Variants in DGKB observed in about 807,000 individuals in gnomAD.
The protein encoded by DGKB is 90 kDa diacylglycerol kinase.
A neutral mutation model predicts 114.3 loss-of-function variants in DGKB; 67 were observed. The ratio of observed to expected loss-of-function variants is 0.59; its 90% CI spans 0.48 to 0.72. The LOEUF is 0.72. Ranked by LOEUF, DGKB falls within the 30% of genes least tolerant of loss-of-function variation. The probability of loss-of-function intolerance (pLI) is 0.00; values close to 1 mark genes in which losing one functional copy is unlikely to be tolerated. For synonymous variants in DGKB, 398 were observed against 323.1 expected (o/e 1.23, Z -2.49); for missense variants, 907 against 975.2 (o/e 0.93, Z 0.93).
At chr7:14,952,937 C>T (rs1786287036) in intron 1 of DGKB, among the ~76,000 whole-genome samples, 1 of 151,884 alleles carries the variant, frequency 6.6e-6, no homozygotes, top group Admixed American at 6.6e-5. Flanking sequence ...GTTTCAACAA[C>T]AGTGAAAAAA....
chr7:14,724,371 C>A (rs1829706410), intron 5 of DGKB, among the ~76,000 whole-genome samples: 1 of 151,738 alleles, frequency 6.6e-6, no homozygotes, highest in Non-Finnish European at 1.5e-5. Context: ...TTATGTTTAC[C>A]CAAACCGGCA....
intron 13 of DGKB, among the ~76,000 whole-genome samples, chr7:14,671,383 T>C (rs1450112340): frequency 2.0e-5 from 3 of 152,130 alleles, no homozygotes; most frequent in East Asian, 1.9e-4. Context: ...ACCACAAAAA[T>C]GGTAAACAAC....
chr7:14,539,546 C>G (rs979086693), intron 20 of DGKB, among the ~76,000 whole-genome samples: 18 of 152,232 alleles, frequency 1.2e-4, no homozygotes, highest in Admixed American at 6.5e-4. Context: ...ATTATATTTC[C>G]TAACCCTGTT....
intron 21 of DGKB, among the ~76,000 whole-genome samples, chr7:14,410,608 T>A (rs1321765405): frequency 6.6e-6 from 1 of 152,088 alleles, no homozygotes; most frequent in Non-Finnish European, 1.5e-5. Context: ...TCTGGCTACA[T>A]AAAAACGTTA....
intron 23 of DGKB, among the ~76,000 whole-genome samples, chr7:14,280,030 G>A (rs1213767340): frequency 6.8e-6 from 1 of 147,114 alleles, no homozygotes; most frequent in Non-Finnish European, 1.5e-5. Flanking sequence ...GACAAGCTGA[G>A]AGAAGAAGGC....
At chr7:14,471,070 C>G (rs1541874) in intron 21 of DGKB, among the ~76,000 whole-genome samples, 52,723 of 150,176 alleles carry the variant, frequency 0.35, 9,857 homozygotes, top group Admixed American at 0.47. Context: ...TGTTCTATTA[C>G]TCTAGTCTGT....
intron 1 of DGKB, among the ~76,000 whole-genome samples, chr7:14,967,864 T>C (rs1787252568): frequency 6.6e-6 from 1 of 152,018 alleles, no homozygotes; most frequent in South Asian, 2.1e-4. Flanking sequence ...ATAAAATAAT[T>C]AGAGCAAAAT....
At chr7:14,320,049 C>T (rs1338535922) in intron 23 of DGKB, among the ~76,000 whole-genome samples, 4 of 152,102 alleles carry the variant, frequency 2.6e-5, no homozygotes, top group African/African-American at 9.7e-5. Flanking sequence ...AATAGCAGCC[C>T]TTTTTTAGAA....
chr7:14,339,025 C>T (rs1275838447), intron 22 of DGKB, among the ~76,000 whole-genome samples: 1 of 151,842 alleles, frequency 6.6e-6, no homozygotes, highest in Non-Finnish European at 1.5e-5. Context: ...CTGCAAATTT[C>T]CAATGTGTTA....
chr7:14,734,900 C>G (rs1408525672), intron 5 of DGKB, among the ~76,000 whole-genome samples: 1 of 152,022 alleles, frequency 6.6e-6, no homozygotes, highest in Non-Finnish European at 1.5e-5. Context: ...GATTCCTGTT[C>G]TATCCATAGA....
At chr7:14,671,096 G>C (rs1200359683) in intron 13 of DGKB, among the ~76,000 whole-genome samples, 1 of 152,118 alleles carries the variant, frequency 6.6e-6, no homozygotes, top group Admixed American at 6.6e-5. Flanking sequence ...AGGATAATGA[G>C]CTGAACATAA....
intron 21 of DGKB, among the ~76,000 whole-genome samples, chr7:14,473,680 C>A (rs895506600): frequency 2.6e-5 from 4 of 152,142 alleles, no homozygotes; most frequent in African/African-American, 9.7e-5. Context: ...GGGGACTATA[C>A]CCTGCAAAGC....
In DGKB at chr7:14,699,222, A is replaced by C. The variant is rs143553932; in HGVS notation, c.517-1053T>G. Among the ~76,000 whole-genome samples the C allele has an allele frequency of 4.5e-4, 68 of 152,328 alleles. 1 individual carries two copies. In the East Asian group the frequency reaches 0.012, roughly 27 times the overall value. On this transcript the variant is annotated intron_variant, in intron 7 of 25. Transcript: ENST00000402815. ...TAAATGTATTTATTACAGATTAACA[A>C]ATTTTAAAACATAAATCCCTTTGAA...
intron 13 of DGKB, among the ~76,000 whole-genome samples, chr7:14,632,620 T>G (rs1197119915): frequency 6.6e-6 from 1 of 151,864 alleles, no homozygotes; most frequent in African/African-American, 2.4e-5. Flanking sequence ...AATAAAAATA[T>G]GTACATTATC....
chr7:14,294,221 T>C (rs1182876135), intron 23 of DGKB, among the ~76,000 whole-genome samples: 4 of 152,174 alleles, frequency 2.6e-5, no homozygotes, highest in Admixed American at 6.6e-5. Flanking sequence ...TAGGATTATA[T>C]TGGGCCCACC....
At chr7:14,540,346 G>A (rs1357637000) in intron 20 of DGKB, among the ~76,000 whole-genome samples, 1 of 151,984 alleles carries the variant, frequency 6.6e-6, no homozygotes, top group African/African-American at 2.4e-5. Context: ...ATTGTATTAT[G>A]TATGTTCTGA....
chr7:14,424,432 C>T (rs1379949431), intron 21 of DGKB, among the ~76,000 whole-genome samples: 1 of 151,672 alleles, frequency 6.6e-6, no homozygotes, highest in Non-Finnish European at 1.5e-5. Flanking sequence ...GCTCAAATAC[C>T]ATTTAGCAAA....
At chr7:14,361,433 T>A (rs532983753) in intron 21 of DGKB, among the ~76,000 whole-genome samples, 46 of 152,144 alleles carry the variant, frequency 3.0e-4, no homozygotes, top group Admixed American at 7.2e-4. Flanking sequence ...AATCAATTAT[T>A]ATTTAGATTG....
chr7:14,346,465 T>G (rs1005087322), intron 21 of DGKB, among the ~76,000 whole-genome samples: 1 of 151,908 alleles, frequency 6.6e-6, no homozygotes, highest in African/African-American at 2.4e-5. Context: ...AAGGTTTTAT[T>G]TGCTTAAAAA....
Sources: allele counts gnomAD v4.1 joint callset (sites outside exome capture counted in the v4.1 genomes callset), GRCh38; gene constraint gnomAD v4.1.1; transcripts MANE v1.5; gene names NCBI Gene and HGNC (gene_info 2026-07-23, HGNC 2026-07-21).